ROS1: variants seen among roughly 807,000 people sequenced by gnomAD.
ROS1 encodes proto-oncogene tyrosine-protein kinase ROS.
In ROS1, 263 loss-of-function variants were observed where a neutral mutation model predicts 273.5. That is an observed-to-expected ratio of 0.96 (90% CI 0.87 to 1.06). The LOEUF is 1.06. ROS1 is among the 50% of genes least tolerant of loss of function. The pLI is 0.00. For missense variants in ROS1, 2,833 were observed against 2,751.1 expected, an observed-to-expected ratio of 1.03 and a Z score of -0.67; for synonymous variants, 1,008 against 954.1, an observed-to-expected ratio of 1.06 and a Z score of -1.04.
rs1028035953 is a variant in ROS1 at position 117,416,148 on chromosome 6, G to T, written c.228+110C>A. 11 of 712,246 alleles carry T rather than the reference G, an allele frequency of 1.5e-5. No homozygotes were observed. The African/African-American group carries it at 1.8e-4, about 11-fold the overall frequency. 44.1% of individuals were successfully genotyped at this position (712,246 alleles called of 1,614,324 possible). On this transcript the variant is annotated intron_variant, in intron 3 of 43. Coordinates refer to ENST00000368507, the MANE Select transcript of ROS1 (RefSeq NM_001378902.1). Reference sequence around the variant, plus strand: ...TAGTTTTGTTTTGTTTTGTCTTAGGGTCAAGCAAACTAGTTGAAAGCCAAT... The same window carrying T: ...TAGTTTTGTTTTGTTTTGTCTTAGGTTCAAGCAAACTAGTTGAAAGCCAAT...
intron 43 of ROS1, among the ~76,000 whole-genome samples, chr6:117,291,387 A>G (rs1207641744): frequency 6.6e-6 from 1 of 152,206 alleles, no homozygotes; most frequent in Non-Finnish European, 1.5e-5. Context: ...ACCTAAATAG[A>G]TTTGGTATAA....
intron 27 of ROS1, among the ~76,000 whole-genome samples, chr6:117,352,549 A>G (rs1040216584): frequency 2.0e-5 from 3 of 152,192 alleles, no homozygotes; most frequent in African/African-American, 7.2e-5. Flanking sequence ...ATAATAGTAT[A>G]TATTAATACT....
intron 5 of ROS1, among the ~76,000 whole-genome samples, chr6:117,405,462 T>C (rs1277140087): frequency 1.3e-5 from 2 of 152,110 alleles, no homozygotes; most frequent in East Asian, 1.9e-4. Context: ...TGTGAGACTC[T>C]CAATAGCAGG....
chr6:117,369,962 C>CATCCATAT (rs1780626248), intron 18 of ROS1, among the ~76,000 whole-genome samples: 1 of 151,824 alleles, frequency 6.6e-6, no homozygotes, highest in Non-Finnish European at 1.5e-5. Context: ...TGCATATACA[C>CATCCATAT]ATATGTATAT....
chr6:117,318,291 G>A (rs775570416), intron 37 of ROS1, 39 bp from the exon 38 acceptor site: 82 of 1,494,428 alleles, frequency 5.5e-5, no homozygotes, highest in Non-Finnish European at 7.4e-5. Flanking sequence ...CAGTATAGCA[G>A]ACATTTCTGT....
chr6:117,345,839 G>A (rs975634858), intron 27 of ROS1, among the ~76,000 whole-genome samples: 1 of 152,162 alleles, frequency 6.6e-6, no homozygotes, highest in Non-Finnish European at 1.5e-5. Context: ...AGACTAAAAT[G>A]AAAAGTTAGA....
Position 117,314,710 on chromosome 6 carries a change from C to A in ROS1, c.6117+2433G>T, listed in dbSNP as rs57319428. ...TGAGACCTCCAGCCCCCTCTAAACG[C>A]TCTGAGTTGATGCATCAGGCATTTA... On this transcript the variant is annotated intron_variant, in intron 39 of 43. Coordinates refer to ENST00000368507, the MANE Select transcript of ROS1 (RefSeq NM_001378902.1). Among the ~76,000 whole-genome samples the A allele has an allele frequency of 2.8e-3, 419 of 152,258 alleles. 2 individuals carry two copies. Among genetic ancestry groups the A allele is most frequent in the African/African-American group, 9.6e-3 (398 of 41,552 alleles).
At chr6:117,308,752 G>A in intron 42 of ROS1, 42 bp downstream of exon 42, 1 of 1,596,324 alleles carries the variant, frequency 6.3e-7, no homozygotes, top group South Asian at 1.1e-5. Context: ...ATGTGCACAT[G>A]TTTTTGTTTG....
chr6:117,399,982 T>A (rs887535492), intron 7 of ROS1, among the ~76,000 whole-genome samples: 4 of 152,224 alleles, frequency 2.6e-5, no homozygotes, highest in Admixed American at 2.6e-4. Context: ...GCATTCTAAA[T>A]AAAGTACAAA....
rs773843792 is a variant in ROS1 at position 117,320,014 on chromosome 6, C to T, written c.5776G>A (p.Glu1926Lys). Reference protein sequence around the residue: ...CYAIHTLPTQEEIENLPAFPR... With the variant: ...CYAIHTLPTQKEIENLPAFPR... ...AAGGCAGGAAGATTTTCAATCTCCTCTTGGGTTGGAAGAGTACTGTAAAAT... is the reference window on the plus strand; with the variant it reads ...AAGGCAGGAAGATTTTCAATCTCCTTTTGGGTTGGAAGAGTACTGTAAAAT... The change falls in exon 37 of 44, where the codon GAG (glutamate) becomes AAG (lysine). Residue 1926 changes from glutamate to lysine, a missense_variant. Coordinates refer to ENST00000368507, the MANE Select transcript of ROS1 (RefSeq NM_001378902.1). The T allele has an allele frequency of 3.7e-6, 6 of 1,613,148 alleles. No individual in the cohort carries two copies. Among genetic ancestry groups the T allele is most frequent in the Non-Finnish European group, 5.1e-6 (6 of 1,179,452 alleles).
chr6:117,309,776 G>GA (rs950057770), intron 41 of ROS1, among the ~76,000 whole-genome samples: 3 of 151,976 alleles, frequency 2.0e-5, no homozygotes, highest in African/African-American at 7.2e-5. Flanking sequence ...CACACACTTG[G>GA]ACATTAATTC....
chr6:117,313,537 C>T (rs1357247916), intron 39 of ROS1, among the ~76,000 whole-genome samples: 3 of 150,000 alleles, frequency 2.0e-5, no homozygotes, highest in South Asian at 2.1e-4. Context: ...CACGCCACTG[C>T]ACTTCAACCT....
intron 2 of ROS1, among the ~76,000 whole-genome samples, chr6:117,416,899 A>T (rs1314443411): frequency 1.3e-5 from 2 of 152,026 alleles, no homozygotes; most frequent in Non-Finnish European, 2.9e-5. Flanking sequence ...TGTCTTGACC[A>T]TTCCCTCCAC....
chr6:117,421,054 T>C (rs1775716215), intron 1 of ROS1, among the ~76,000 whole-genome samples: 1 of 151,758 alleles, frequency 6.6e-6, no homozygotes, highest in Non-Finnish European at 1.5e-5. Flanking sequence ...ATAAATGTTT[T>C]TATCTTTGCC....
At chr6:117,354,522 T>C (rs1009957879) in intron 26 of ROS1, among the ~76,000 whole-genome samples, 1 of 152,188 alleles carries the variant, frequency 6.6e-6, no homozygotes, top group Admixed American at 6.5e-5. Context: ...AAAAAACTAA[T>C]ATTCATAATT....
At chr6:117,342,693 C>A in intron 28 of ROS1, 149 bp from the exon 29 acceptor site, 1 of 550,782 alleles carries the variant, frequency 1.8e-6, no homozygotes, top group Non-Finnish European at 3.1e-6. Context: ...ATACCACTGT[C>A]CAATCTACCC....
intron 27 of ROS1, among the ~76,000 whole-genome samples, chr6:117,346,770 TTTACA>T (rs1323715725): frequency 6.6e-6 from 1 of 152,140 alleles, no homozygotes; most frequent in Non-Finnish European, 1.5e-5. Flanking sequence ...AAGTCTATAG[TTTACA>T]TTAGAGTTCA....
chr6:117,355,314 G>A (rs1403664616), intron 26 of ROS1, among the ~76,000 whole-genome samples: 1 of 152,170 alleles, frequency 6.6e-6, no homozygotes, highest in Non-Finnish European at 1.5e-5. Flanking sequence ...TCTACTTAAT[G>A]ATAGGAATTG....
Position 117,425,544 on chromosome 6 carries a change from A to G in ROS1, c.113T>C (p.Val38Ala), listed in dbSNP as rs746635415. The G allele has an allele frequency of 3.8e-6, 6 of 1,596,284 alleles. No homozygotes were observed. Among genetic ancestry groups the G allele is most frequent in the Non-Finnish European group, 5.1e-6 (6 of 1,174,566 alleles). Residue 38 changes from valine (V) to alanine (A), a missense_variant, in exon 1 of 44, where the codon GTA (valine) becomes GCA (alanine). By Grantham distance (64) the Val-to-Ala change is moderately conservative (BLOSUM62 0). Coordinates refer to ENST00000368507, the MANE Select transcript of ROS1 (RefSeq NM_001378902.1). ...GATTGTGAGACTTACCAGATTAGTT[A>G]CACACGACTTTAGGCAGCTATTTAA... ...TVLNSCLKSC[V>A]TNLGQQLDLG... is the part of the protein sequence containing the mutation.
Sources: allele counts gnomAD v4.1 joint callset (sites outside exome capture counted in the v4.1 genomes callset), GRCh38; gene constraint gnomAD v4.1.1; transcripts MANE v1.5; gene names NCBI Gene and HGNC (gene_info 2026-07-23, HGNC 2026-07-21).